RFX3: variants seen among roughly 807,000 people sequenced by gnomAD.
RFX3 encodes transcription factor RFX3.
A neutral mutation model predicts 98.6 loss-of-function variants in RFX3; 14 were observed. The ratio of observed to expected loss-of-function variants is 0.14; its 90% CI spans 0.09 to 0.22. RFX3 has a LOEUF of 0.22. Ranked by LOEUF, RFX3 falls within the 10% of genes least tolerant of loss-of-function variation. The probability of loss-of-function intolerance (pLI) is 1.00; values close to 1 mark genes in which losing one functional copy is unlikely to be tolerated. For missense variants in RFX3, 639 were observed against 926.9 expected (o/e 0.69, Z 4.03); for synonymous variants, 383 against 328.4 (o/e 1.17, Z -1.80).
chr9:3,521,056 G>A (rs149129036), intron 1 of RFX3, among the ~76,000 whole-genome samples: 272 of 152,016 alleles, frequency 1.8e-3, no homozygotes, highest in Non-Finnish European at 3.3e-3. Context: ...TTTTCCAGTG[G>A]TTTTTTTAAA....
At chr9:3,253,756 T>G (rs1187408777) in intron 14 of RFX3, among the ~76,000 whole-genome samples, 3 of 152,192 alleles carry the variant, frequency 2.0e-5, no homozygotes, top group Non-Finnish European at 4.4e-5. Context: ...TTTCAGAACA[T>G]GAAGGGCCTG....
At chr9:3,246,258 T>C (rs1192857470) in intron 15 of RFX3, among the ~76,000 whole-genome samples, 5 of 151,970 alleles carry the variant, frequency 3.3e-5, no homozygotes, top group Non-Finnish European at 2.9e-5. Flanking sequence ...TCATGTAAAA[T>C]CTGTCATATT....
chr9:3,380,312 C>T (rs1156449961), intron 2 of RFX3, among the ~76,000 whole-genome samples: 2 of 152,172 alleles, frequency 1.3e-5, no homozygotes, highest in African/African-American at 2.4e-5. Flanking sequence ...AGAAAGTTTC[C>T]CACAGCTTCC....
rs1202997871 is a variant in RFX3, at chr9:3,366,693, CCTTTCTTTCTTTCTTTCTTT to C, written c.118-19949_118-19930del. ...CTTTCTCTTTCTTTCTTCTTTCTTT[CCTTTCTTTCTTTCTTTCTTT>C]CTTTCTTTCTTTCTTTCTTTCTTTC... On this transcript the variant is annotated intron_variant, in intron 2 of 16. Transcript: ENST00000617270. Among the ~76,000 whole-genome samples the C allele has an allele frequency of 6.7e-3, 572 of 85,482 alleles. 5 individuals carry two copies. The highest frequency in any genetic ancestry group is 0.02 in the South Asian group (39 of 1,982). 56.1% of individuals were successfully genotyped at this position (85,482 alleles called of 152,430 possible).
chr9:3,524,005 A>G (rs1018715332), intron 1 of RFX3, among the ~76,000 whole-genome samples: 2 of 152,222 alleles, frequency 1.3e-5, no homozygotes, highest in Admixed American at 6.5e-5. Context: ...CTGCTCGTTG[A>G]CAATCTCAAG....
chr9:3,279,355 T>TGGAGTTTGGGATTCAC (rs1407117560), intron 7 of RFX3, among the ~76,000 whole-genome samples: 1 of 151,830 alleles, frequency 6.6e-6, no homozygotes, highest in Non-Finnish European at 1.5e-5. Flanking sequence ...TTTAAGTTAA[T>TGGAGTTTGGGATTCAC]GGAGTTTGGG....
chr9:3,498,169 C>A (rs938979101), intron 1 of RFX3, among the ~76,000 whole-genome samples: 1 of 151,952 alleles, frequency 6.6e-6, no homozygotes, highest in Admixed American at 6.6e-5. Context: ...CTAAAGGACA[C>A]AAAGGAGAAA....
chr9:3,390,036 T>C (rs141835353), intron 2 of RFX3, among the ~76,000 whole-genome samples: 204 of 152,320 alleles, frequency 1.3e-3, no homozygotes, highest in African/African-American at 4.5e-3. Flanking sequence ...CGGTACTTAC[T>C]ACACGGTGAA....
At chr9:3,260,385 T>A (rs1352631630) in intron 13 of RFX3, among the ~76,000 whole-genome samples, 1 of 152,020 alleles carries the variant, frequency 6.6e-6, no homozygotes, top group African/African-American at 2.4e-5. Context: ...TTCCCAAGGT[T>A]AATGCTTATA....
chr9:3,490,177 A>G, intron 1 of RFX3: 1 of 262,256 alleles, frequency 3.8e-6, no homozygotes, highest in Non-Finnish European at 5.9e-6. Flanking sequence ...GAAAATTACT[A>G]TTGAAAAAAT....
At chr9:3,416,201 T>C (rs1457603355) in intron 1 of RFX3, among the ~76,000 whole-genome samples, 2 of 152,188 alleles carry the variant, frequency 1.3e-5, no homozygotes, top group African/African-American at 4.8e-5. Context: ...TCCCAGTTAA[T>C]TTTGACAATC....
At chr9:3,390,490 GA>G (rs1447068620) in intron 2 of RFX3, among the ~76,000 whole-genome samples, 1 of 152,116 alleles carries the variant, frequency 6.6e-6, no homozygotes, top group Non-Finnish European at 1.5e-5. Context: ...AGATGGAGAT[GA>G]GAAACTTGTT....
intron 4 of RFX3, among the ~76,000 whole-genome samples, chr9:3,311,339 G>C (rs1358584032): frequency 1.3e-5 from 2 of 152,138 alleles, no homozygotes; most frequent in Non-Finnish European, 2.9e-5. Flanking sequence ...TTTCTACTTG[G>C]AGACTTATGT....
intron 11 of RFX3, among the ~76,000 whole-genome samples, chr9:3,267,527 A>G (rs1391783136): frequency 2.0e-5 from 3 of 151,948 alleles, no homozygotes. Context: ...AAAGACAACT[A>G]AATGTGTTTT....
At chr9:3,295,226 G>A (rs1827851246) in intron 5 of RFX3, among the ~76,000 whole-genome samples, 1 of 151,442 alleles carries the variant, frequency 6.6e-6, no homozygotes, top group Non-Finnish European at 1.5e-5. Flanking sequence ...TTTTTTTTAA[G>A]ACTTTATTAG....
At chr9:3,253,476 T>C (rs1268885523) in intron 14 of RFX3, among the ~76,000 whole-genome samples, 1 of 152,184 alleles carries the variant, frequency 6.6e-6, no homozygotes, top group Non-Finnish European at 1.5e-5. Context: ...GAATGCTCTC[T>C]TCTGTTATCC....
chr9:3,391,732 T>G (rs1840332074), intron 2 of RFX3, among the ~76,000 whole-genome samples: 1 of 152,194 alleles, frequency 6.6e-6, no homozygotes, highest in South Asian at 2.1e-4. Flanking sequence ...TTTCCACTTC[T>G]GACAGCAATC....
At chr9:3,419,959 A>G (rs1843303268) in intron 1 of RFX3, among the ~76,000 whole-genome samples, 1 of 152,220 alleles carries the variant, frequency 6.6e-6, no homozygotes, top group Non-Finnish European at 1.5e-5. Flanking sequence ...CATGTGAGAA[A>G]TCAATCAGCT....
chr9:3,388,120 T>A (rs1275155344), intron 2 of RFX3, among the ~76,000 whole-genome samples: 1 of 152,152 alleles, frequency 6.6e-6, no homozygotes, highest in South Asian at 2.1e-4. Flanking sequence ...TCTTACTGGT[T>A]GTAACGACAT....
Sources: allele counts gnomAD v4.1 joint callset (sites outside exome capture counted in the v4.1 genomes callset), GRCh38; gene constraint gnomAD v4.1.1; transcripts MANE v1.5; gene names NCBI Gene and HGNC (gene_info 2026-07-23, HGNC 2026-07-21).